The following EXOC4 variants were observed in gnomAD, a reference collection of about 807,000 sequenced individuals.
The protein encoded by EXOC4 is SEC8-like 1.
A neutral mutation model predicts 107.2 loss-of-function variants in EXOC4; 71 were observed. That is an observed-to-expected ratio of 0.66 (90% confidence interval 0.55 to 0.81). The LOEUF (loss-of-function observed/expected upper bound fraction) is 0.81, where lower values mean the gene tolerates loss of function less well. Ranked by LOEUF, EXOC4 falls within the 30% of genes least tolerant of loss-of-function variation. The pLI is 0.00. For missense variants in EXOC4, 1,108 were observed against 1,189.6 expected, an observed-to-expected ratio of 0.93 and a Z score of 1.01; for synonymous variants, 456 against 441.2, an observed-to-expected ratio of 1.03 and a Z score of -0.42.
intron 5 of EXOC4, among the ~76,000 whole-genome samples, chr7:133,331,085 G>A (rs1433128907): frequency 3.3e-5 from 5 of 152,014 alleles, no homozygotes; most frequent in South Asian, 2.1e-4. Flanking sequence ...ATTTAAGTGC[G>A]ATCAGATATA....
intron 10 of EXOC4, among the ~76,000 whole-genome samples, chr7:133,695,882 A>G (rs1235547893): frequency 2.0e-5 from 3 of 152,200 alleles, no homozygotes; most frequent in Non-Finnish European, 2.9e-5. Flanking sequence ...GGACCATCCA[A>G]ATTCATTTGT....
chr7:133,857,259 ATATATATATATATACACG>A (rs1362892280), intron 11 of EXOC4, among the ~76,000 whole-genome samples: 2 of 42,498 alleles, frequency 4.7e-5, no homozygotes, highest in African/African-American at 1.6e-4. Context: ...ATATATATAT[ATATATATATATATACACG>A]TATATATATA....
At chr7:133,848,884 G>A (rs1289152062) in intron 11 of EXOC4, among the ~76,000 whole-genome samples, 2 of 152,214 alleles carry the variant, frequency 1.3e-5, no homozygotes, top group African/African-American at 4.8e-5. Flanking sequence ...AACCTCGCAT[G>A]TGGTAGGTCG....
intron 11 of EXOC4, among the ~76,000 whole-genome samples, chr7:133,855,173 T>A (rs1383996797): frequency 6.5e-5 from 7 of 108,142 alleles, no homozygotes; most frequent in Non-Finnish European, 1.1e-4. Context: ...ATATTTTTTT[T>A]ATCAGCAAAG....
intron 16 of EXOC4, among the ~76,000 whole-genome samples, chr7:134,007,371 A>C (rs1356894403): frequency 6.6e-6 from 1 of 152,166 alleles, no homozygotes; most frequent in East Asian, 1.9e-4. Flanking sequence ...ACAGTTTATA[A>C]TAACCTGGCC....
intron 10 of EXOC4, among the ~76,000 whole-genome samples, chr7:133,791,485 T>A (rs1392210069): frequency 6.6e-6 from 1 of 152,140 alleles, no homozygotes; most frequent in African/African-American, 2.4e-5. Context: ...GTTGAACAAA[T>A]GAGTGGAAGA....
intron 17 of EXOC4, among the ~76,000 whole-genome samples, chr7:134,009,239 G>A (rs948558336): frequency 1.3e-5 from 2 of 150,576 alleles, no homozygotes; most frequent in Non-Finnish European, 2.9e-5. Context: ...TATTTCTGTG[G>A]TCTTTTCACT....
chr7:133,569,920 T>A (rs1395439771), intron 9 of EXOC4, among the ~76,000 whole-genome samples: 2 of 152,222 alleles, frequency 1.3e-5, no homozygotes. Flanking sequence ...GATCTGGGCT[T>A]ATCACCAGTG....
At chr7:133,838,130 T>C (rs1405922759) in intron 11 of EXOC4, among the ~76,000 whole-genome samples, 1 of 152,114 alleles carries the variant, frequency 6.6e-6, no homozygotes, top group Non-Finnish European at 1.5e-5. Context: ...GAGAATGGAG[T>C]ATTTAAAAAG....
intron 9 of EXOC4, among the ~76,000 whole-genome samples, chr7:133,603,655 TA>T (rs2150989078): frequency 6.6e-6 from 1 of 152,244 alleles, no homozygotes; most frequent in Non-Finnish European, 1.5e-5. Context: ...AAAGCTACAG[TA>T]AAAATACAGT....
rs368673795 is a variant in EXOC4, at chr7:133,634,636, T to C, written c.1514+4495T>C. On this transcript the variant is annotated intron_variant, in intron 10 of 17. Transcript: ENST00000253861. ...TCCCAGATAGCTGGGGTTACAGGCATGCGCCACCATGCCCGGCTAATATGT... is the reference window on the plus strand; with the variant it reads ...TCCCAGATAGCTGGGGTTACAGGCACGCGCCACCATGCCCGGCTAATATGT... Among the ~76,000 whole-genome samples the C allele has an allele frequency of 1.3e-3, 205 of 152,248 alleles. 1 individual carries two copies. Among genetic ancestry groups the C allele is most frequent in the African/African-American group, 4.7e-3 (194 of 41,540 alleles).
intron 3 of EXOC4, among the ~76,000 whole-genome samples, chr7:133,297,539 A>G (rs980908727): frequency 3.9e-5 from 6 of 152,222 alleles, no homozygotes; most frequent in Admixed American, 2.6e-4. Context: ...GAGCTTAGAT[A>G]AATAAATTAC....
At chr7:133,783,723 A>G (rs1274306244) in intron 10 of EXOC4, among the ~76,000 whole-genome samples, 1 of 152,234 alleles carries the variant, frequency 6.6e-6, no homozygotes, top group Non-Finnish European at 1.5e-5. Flanking sequence ...ACAGACTCAC[A>G]AAGATAGATC....
intron 10 of EXOC4, among the ~76,000 whole-genome samples, chr7:133,630,975 A>G (rs1027276579): frequency 2.0e-5 from 3 of 152,212 alleles, no homozygotes; most frequent in African/African-American, 7.2e-5. Context: ...TATGATAAAA[A>G]AGTTCTAGAG....
At chr7:133,656,266 C>A (rs866580966) in intron 10 of EXOC4, among the ~76,000 whole-genome samples, 26 of 152,048 alleles carry the variant, frequency 1.7e-4, no homozygotes, top group South Asian at 4.1e-4. Flanking sequence ...AGGGGGAATT[C>A]ATAAAACACA....
intron 14 of EXOC4, among the ~76,000 whole-genome samples, chr7:133,948,046 G>A (rs1004773332): frequency 3.9e-5 from 6 of 152,162 alleles, no homozygotes; most frequent in African/African-American, 1.4e-4. Flanking sequence ...AGCCTGAGCC[G>A]ACACCCAGCA....
intron 10 of EXOC4, among the ~76,000 whole-genome samples, chr7:133,810,338 T>G (rs2151205947): frequency 6.6e-6 from 1 of 152,230 alleles, no homozygotes; most frequent in African/African-American, 2.4e-5. Flanking sequence ...TTGAGTGAAA[T>G]TTTAATTAGT....
intron 10 of EXOC4, among the ~76,000 whole-genome samples, chr7:133,673,729 C>T (rs1793995905): frequency 6.6e-6 from 1 of 152,182 alleles, no homozygotes; most frequent in South Asian, 2.1e-4. Flanking sequence ...TGCTTCTTTT[C>T]CTTGCCATTT....
intron 10 of EXOC4, among the ~76,000 whole-genome samples, chr7:133,691,922 C>T (rs1260177109): frequency 1.3e-5 from 2 of 152,176 alleles, no homozygotes; most frequent in Non-Finnish European, 2.9e-5. Flanking sequence ...TACCCTTTGA[C>T]CATCTCCACT....
Sources: gnomAD v4.1 joint callset for allele counts (sites outside exome capture counted in the v4.1 genomes callset) on GRCh38, gnomAD v4.1.1 for gene constraint, MANE v1.5 for transcripts, NCBI Gene and HGNC (gene_info 2026-07-23, HGNC 2026-07-21) for gene names.